CDKL5: variants seen among roughly 807,000 people sequenced by gnomAD.
The protein encoded by CDKL5 is cyclin dependent kinase like 5.
Under a neutral mutation model 61.7 loss-of-function variants are expected in CDKL5, and 8 were observed. The observed-to-expected ratio is 0.13, with a 90% CI of 0.08 to 0.23. The LOEUF (loss-of-function observed/expected upper bound fraction) is 0.23, where lower values mean the gene tolerates loss of function less well. Among genes scored for constraint, CDKL5 ranks in the 10% least tolerant of loss-of-function variants. The probability of loss-of-function intolerance (pLI) is 1.00; values close to 1 mark genes in which losing one functional copy is unlikely to be tolerated. For synonymous variants in CDKL5, 275 were observed against 272.3 expected (o/e 1.01, Z -0.10); for missense variants, 440 against 734.5 (o/e 0.60, Z 4.63).
At chrX:18,468,269 C>A (rs758077606) in intron 1 of CDKL5, among the ~76,000 whole-genome samples, 3 of 112,311 alleles carry the variant, frequency 2.7e-5, no homozygotes, top group Non-Finnish European at 5.6e-5. Context: ...GTTCTGGATT[C>A]TTTTCAGAAT....
chrX:18,510,173 C>T (rs1237789227), intron 2 of CDKL5, among the ~76,000 whole-genome samples: 3 of 110,702 alleles, frequency 2.7e-5, no homozygotes, highest in Admixed American at 1.9e-4. Flanking sequence ...TGTTTGTTTT[C>T]GAGATGGAGT....
At chrX:18,508,030 A>T (rs1387251717) in intron 2 of CDKL5, among the ~76,000 whole-genome samples, 1 of 111,913 alleles carries the variant, frequency 8.9e-6, no homozygotes, top group Non-Finnish European at 1.9e-5. Context: ...ACTCCTAAAA[A>T]AAAATCATTT....
intron 12 of CDKL5, among the ~76,000 whole-genome samples, chrX:18,608,100 C>A (rs1926423426): frequency 9.0e-6 from 1 of 111,074 alleles, no homozygotes; most frequent in Admixed American, 9.6e-5. Flanking sequence ...TGTGTTTTTT[C>A]CCCTCGGTGA....
At chrX:18,513,687 T>A (rs1922905773) in intron 3 of CDKL5, among the ~76,000 whole-genome samples, 1 of 111,621 alleles carries the variant, frequency 9.0e-6, no homozygotes, top group Non-Finnish European at 1.9e-5. Flanking sequence ...ATTATAAAAC[T>A]CTTTTTTAGA....
intron 1 of CDKL5, chrX:18,427,058 C>G (rs1931381917): frequency 8.9e-6 from 1 of 111,873 alleles, no homozygotes; most frequent in African/African-American, 3.2e-5. Context: ...TTATGATTAA[C>G]AATCCAATTA....
chrX:18,647,118 T>C lies in CDKL5; in HGVS notation c.2797+1028T>C, dbSNP rs180999429. On this transcript the variant is annotated intron_variant, in intron 20 of 21. Coordinates refer to the CDKL5 transcript ENST00000379989. ...TTTTAGTAGAGACGGGGTTTCACTG[T>C]GTTGGCCACGCTGGTAGAGAGGCCT... is the stretch of plus-strand genomic sequence containing the variant. 7 of 1,121,991 alleles carry C rather than the reference T, an allele frequency of 6.2e-6. No homozygotes were observed. In the Admixed American group the frequency reaches 8.8e-5, roughly 14 times the overall value. 92.5% of individuals were successfully genotyped at this position (1,121,991 alleles called of 1,213,427 possible). A position where few individuals can be genotyped will look rare whatever the true frequency, so the allele number is the denominator to read the frequency against.
intron 15 of CDKL5, among the ~76,000 whole-genome samples, chrX:18,617,455 T>C (rs1458353486): frequency 1.8e-5 from 2 of 112,071 alleles, no homozygotes; most frequent in Admixed American, 1.9e-4. Context: ...AATGCGCAAA[T>C]GAGGGAAATG....
intron 10 of CDKL5, among the ~76,000 whole-genome samples, chrX:18,595,796 C>T (rs980988454): frequency 8.9e-6 from 1 of 111,763 alleles, no homozygotes; most frequent in Non-Finnish European, 1.9e-5. Flanking sequence ...AGCCTCCCAT[C>T]GCCTACACAG....
chrX:18,592,158 C>T (rs1194746055), intron 9 of CDKL5, among the ~76,000 whole-genome samples: 2 of 112,308 alleles, frequency 1.8e-5, no homozygotes, highest in Non-Finnish European at 1.9e-5. Flanking sequence ...ACAGATCTGA[C>T]ATGCTGCTTG....
At chrX:18,587,642 GTT>G (rs1464863416) in intron 8 of CDKL5, 1 of 244,319 alleles carries the variant, frequency 4.1e-6, no homozygotes, top group Admixed American at 6.3e-5. Context: ...CAAGTGAGGT[GTT>G]ACTTGCCAGA....
At chrX:18,505,106 A>T (rs908026462) in intron 1 of CDKL5, among the ~76,000 whole-genome samples, 7 of 111,447 alleles carry the variant, frequency 6.3e-5, no homozygotes, top group Non-Finnish European at 1.1e-4. Flanking sequence ...ATTTAGAGAA[A>T]AACTGCAAAA....
chrX:18,506,667 C>T (rs183151022), intron 1 of CDKL5, among the ~76,000 whole-genome samples: 45 of 111,688 alleles, frequency 4.0e-4, no homozygotes, highest in African/African-American at 1.3e-3. Flanking sequence ...AGTGAAAATG[C>T]TGTTTTTAAA....
intron 3 of CDKL5, among the ~76,000 whole-genome samples, chrX:18,556,343 C>T (rs951008928): frequency 1.8e-5 from 2 of 111,536 alleles, no homozygotes; most frequent in Non-Finnish European, 3.8e-5. Flanking sequence ...TTCAGAATCA[C>T]TTTCTACAAC....
At chrX:18,626,871 CCA>C (rs1927080218) in intron 17 of CDKL5, 1 of 106,227 alleles carries the variant, frequency 9.4e-6, no homozygotes, top group African/African-American at 3.5e-5. Context: ...ATCTCAGCCT[CCA>C]GAGTAACTGG....
chrX:18,588,133 A>G lies in CDKL5; in HGVS notation c.734A>G (p.His245Arg), dbSNP rs1376870140. ...MKLFYSNPRF[H>R]GLRFPAVNHP... is the part of the protein sequence containing the mutation. ...CTTTTCTACAGTAATCCTCGCTTCC[A>G]TGGGCTCCGGGTAAGAGGTTTTGCT... is the stretch of plus-strand genomic sequence containing the variant. Residue 245 changes from histidine to arginine, a missense_variant, in exon 9 of 18, where the codon CAT becomes CGT. Physicochemically the swap from His to Arg is conservative, Grantham distance 29 (BLOSUM62 0). Coordinates refer to ENST00000623535, the MANE Select transcript of CDKL5 (RefSeq NM_001323289.2). The G allele has an allele frequency of 1.7e-6, 2 of 1,209,139 alleles. No homozygotes were observed. Among genetic ancestry groups the G allele is most frequent in the Non-Finnish European group, 1.1e-6 (1 of 893,345 alleles).
At chrX:18,574,864 T>G (rs750981038) in intron 4 of CDKL5, among the ~76,000 whole-genome samples, 6 of 112,212 alleles carry the variant, frequency 5.3e-5, no homozygotes, top group Non-Finnish European at 1.1e-4. Flanking sequence ...ATAAAATGTT[T>G]TTTTAGGCCA....
chrX:18,498,270 G>A (rs1452210132), intron 1 of CDKL5, among the ~76,000 whole-genome samples: 1 of 112,069 alleles, frequency 8.9e-6, no homozygotes, highest in Non-Finnish European at 1.9e-5. Flanking sequence ...AGCTTTGCCT[G>A]TTTTTAAACT....
At chrX:18,504,814 T>C (rs1922514713) in intron 1 of CDKL5, among the ~76,000 whole-genome samples, 1 of 108,638 alleles carries the variant, frequency 9.2e-6, no homozygotes, top group South Asian at 4.0e-4. Flanking sequence ...GTGCCTGTAG[T>C]CCCAGCTACA....
chrX:18,516,962 C>G (rs1312195605), intron 3 of CDKL5, among the ~76,000 whole-genome samples: 1 of 111,647 alleles, frequency 9.0e-6, no homozygotes, highest in Non-Finnish European at 1.9e-5. Flanking sequence ...TCTTGAACCC[C>G]TGACCTCATG....
Sources: allele counts gnomAD v4.1 joint callset (sites outside exome capture counted in the v4.1 genomes callset), GRCh38; gene constraint gnomAD v4.1.1; transcripts MANE v1.5; gene names NCBI Gene and HGNC (gene_info 2026-07-23, HGNC 2026-07-21).